The following ZSWIM6 variants were observed in gnomAD, a reference collection of about 807,000 sequenced individuals.
The protein encoded by ZSWIM6 is zinc finger SWIM domain-containing protein 6.
Under a neutral mutation model 113.2 loss-of-function variants are expected in ZSWIM6, and 9 were observed. The observed-to-expected ratio is 0.08, with a 90% CI of 0.05 to 0.14. The LOEUF is 0.14. Among genes scored for constraint, ZSWIM6 ranks in the 10% least tolerant of loss-of-function variants. ZSWIM6 has a pLI of 1.00. For missense variants in ZSWIM6, 1,162 were observed against 1,552.2 expected, an observed-to-expected ratio of 0.75 and a Z score of 4.22; for synonymous variants, 611 against 606.5, an observed-to-expected ratio of 1.01 and a Z score of -0.11.
chr5:61,407,156 G>A (rs1406479047), intron 1 of ZSWIM6, among the ~76,000 whole-genome samples: 2 of 152,146 alleles, frequency 1.3e-5, no homozygotes, highest in Non-Finnish European at 2.9e-5. Context: ...ATTAACACTG[G>A]TGTAAGTGCA....
At chr5:61,408,608 T>A (rs1382963132) in intron 1 of ZSWIM6, among the ~76,000 whole-genome samples, 2 of 152,328 alleles carry the variant, frequency 1.3e-5, no homozygotes, top group East Asian at 3.9e-4. Context: ...GTTCTGAAGT[T>A]TGCTTCGAAG....
chr5:61,466,341 G>A (rs1747435441), intron 1 of ZSWIM6, among the ~76,000 whole-genome samples: 1 of 152,106 alleles, frequency 6.6e-6, no homozygotes, highest in South Asian at 2.1e-4. Context: ...TAACACTTTT[G>A]CATTTTTAGA....
chr5:61,506,243 A>T (rs929426538), intron 4 of ZSWIM6, among the ~76,000 whole-genome samples: 2 of 152,154 alleles, frequency 1.3e-5, no homozygotes, highest in Non-Finnish European at 2.9e-5. Context: ...TTAGTGAATT[A>T]AAAACTGGCA....
chr5:61,342,853 A>G lies in ZSWIM6; in HGVS notation c.676+9905A>G, dbSNP rs971991230. ...TTAAGTACATTTACATTGTTACGCA[A>G]ATAATCTCCAGAACTCTAAAATTTT... On this transcript the variant is annotated intron_variant, in intron 1 of 13. Transcript: ENST00000252744. Among the ~76,000 whole-genome samples, 5 of 152,120 alleles carry G rather than the reference A, an allele frequency of 3.3e-5. No homozygotes were observed. The South Asian group carries it at 6.2e-4, about 19-fold the overall frequency.
intron 4 of ZSWIM6, among the ~76,000 whole-genome samples, chr5:61,518,681 G>A (rs1323633065): frequency 2.0e-5 from 3 of 152,034 alleles, no homozygotes; most frequent in Non-Finnish European, 4.4e-5. Flanking sequence ...GTAGATTCTG[G>A]ATATTAGCCC....
intron 1 of ZSWIM6, among the ~76,000 whole-genome samples, chr5:61,357,561 A>G (rs1744941053): frequency 1.3e-5 from 2 of 151,536 alleles, no homozygotes; most frequent in Admixed American, 1.3e-4. Flanking sequence ...GAACCCAGAG[A>G]AAAGCCAGCT....
chr5:61,540,173 A>G (rs1749690224), intron 12 of ZSWIM6, among the ~76,000 whole-genome samples: 1 of 152,188 alleles, frequency 6.6e-6, no homozygotes, highest in South Asian at 2.1e-4. Flanking sequence ...GCATTTTCAT[A>G]ATAGATGGGC....
intron 4 of ZSWIM6, among the ~76,000 whole-genome samples, chr5:61,518,764 T>G (rs1339328481): frequency 1.3e-5 from 2 of 152,334 alleles, no homozygotes; most frequent in South Asian, 4.1e-4. Flanking sequence ...TGATAGTTTC[T>G]TTTGCTGTGC....
At chr5:61,467,458 C>A (rs942527095) in intron 1 of ZSWIM6, among the ~76,000 whole-genome samples, 2 of 151,970 alleles carry the variant, frequency 1.3e-5, no homozygotes, top group African/African-American at 4.8e-5. Context: ...TTACACATTG[C>A]GTACTAATGT....
chr5:61,372,861 C>T (rs1221984536), intron 1 of ZSWIM6, among the ~76,000 whole-genome samples: 1 of 151,900 alleles, frequency 6.6e-6, no homozygotes, highest in Non-Finnish European at 1.5e-5. Context: ...TCATTTTTAC[C>T]TCTTCAATAT....
At chr5:61,344,284 C>T (rs1744610168) in intron 1 of ZSWIM6, among the ~76,000 whole-genome samples, 1 of 152,160 alleles carries the variant, frequency 6.6e-6, no homozygotes, top group African/African-American at 2.4e-5. Flanking sequence ...GATATACGTT[C>T]AGCCCAGTGA....
At chr5:61,512,645 A>G (rs556105153) in intron 4 of ZSWIM6, among the ~76,000 whole-genome samples, 1 of 151,972 alleles carries the variant, frequency 6.6e-6, no homozygotes, top group Non-Finnish European at 1.5e-5. Context: ...CAGGTTAAAA[A>G]TTTTTTTTAT....
chr5:61,343,184 C>T (rs1292080076), intron 1 of ZSWIM6, among the ~76,000 whole-genome samples: 1 of 152,114 alleles, frequency 6.6e-6, no homozygotes, highest in African/African-American at 2.4e-5. Flanking sequence ...TTCCTGAATG[C>T]TGATGTTAAT....
At chr5:61,392,987 T>C (rs1393749035) in intron 1 of ZSWIM6, among the ~76,000 whole-genome samples, 1 of 152,076 alleles carries the variant, frequency 6.6e-6, no homozygotes, top group Non-Finnish European at 1.5e-5. Flanking sequence ...ATGGCCATGT[T>C]GTGTTCTCAT....
At chr5:61,368,440 G>A (rs1745203721) in intron 1 of ZSWIM6, among the ~76,000 whole-genome samples, 1 of 152,146 alleles carries the variant, frequency 6.6e-6, no homozygotes, top group African/African-American at 2.4e-5. Context: ...AATTGGCATA[G>A]TTATTCTAGA....
At chr5:61,393,208 T>G (rs1307656187) in intron 1 of ZSWIM6, among the ~76,000 whole-genome samples, 1 of 143,842 alleles carries the variant, frequency 7.0e-6, no homozygotes, top group African/African-American at 2.5e-5. Flanking sequence ...TCCCGACTAA[T>G]TTTTTTTTTT....
chr5:61,483,920 T>C (rs1747947353), intron 2 of ZSWIM6, among the ~76,000 whole-genome samples: 2 of 151,020 alleles, frequency 1.3e-5, no homozygotes, highest in Non-Finnish European at 2.9e-5. Flanking sequence ...AATATATATA[T>C]AAATAGTGTA....
intron 5 of ZSWIM6, among the ~76,000 whole-genome samples, chr5:61,523,465 TTAG>T (rs879727541): frequency 9.2e-4 from 140 of 152,360 alleles, no homozygotes; most frequent in Non-Finnish European, 1.6e-3. Flanking sequence ...TATAATTTTT[TTAG>T]TAGAAGAACA....
intron 1 of ZSWIM6, among the ~76,000 whole-genome samples, chr5:61,438,266 A>G (rs535456227): frequency 6.6e-6 from 1 of 152,344 alleles, no homozygotes; most frequent in Non-Finnish European, 1.5e-5. Context: ...AAGTGTACAG[A>G]TTTCCCAGTA....
Sources: gnomAD v4.1 joint callset for allele counts (sites outside exome capture counted in the v4.1 genomes callset) on GRCh38, gnomAD v4.1.1 for gene constraint, MANE v1.5 for transcripts, NCBI Gene and HGNC (gene_info 2026-07-23, HGNC 2026-07-21) for gene names.